Variants in PCDH7 observed in about 807,000 individuals in gnomAD.
PCDH7 encodes the protein protocadherin-7.
Under a neutral mutation model 58.9 loss-of-function variants are expected in PCDH7, and 17 were observed. That is an observed-to-expected ratio of 0.29 (90% confidence interval 0.20 to 0.43). The LOEUF (loss-of-function observed/expected upper bound fraction) is 0.43. PCDH7 is among the 20% of genes least tolerant of loss of function. PCDH7 has a pLI of 1.00. For missense variants in PCDH7, 1,274 were observed against 1,441.0 expected (o/e 0.88, Z 1.88); for synonymous variants, 664 against 616.4 (o/e 1.08, Z -1.14).
chr4:30,948,724 G>C (rs1260262855), intron 2 of PCDH7, among the ~76,000 whole-genome samples: 1 of 152,038 alleles, frequency 6.6e-6, no homozygotes, highest in Non-Finnish European at 1.5e-5. Flanking sequence ...AGAATTCTTT[G>C]ATGTTAATCT....
At chr4:30,759,254 C>T (rs948420976) in intron 1 of PCDH7, among the ~76,000 whole-genome samples, 4 of 151,908 alleles carry the variant, frequency 2.6e-5, no homozygotes, top group Non-Finnish European at 5.9e-5. Flanking sequence ...TTTGGGGAAG[C>T]TTTTTAAGTG....
chr4:31,104,104 C>T (rs2109303640), intron 3 of PCDH7, among the ~76,000 whole-genome samples: 1 of 152,204 alleles, frequency 6.6e-6, no homozygotes, highest in East Asian at 1.9e-4. Flanking sequence ...TAAACAAGGG[C>T]TCCTATAGCA....
intron 1 of PCDH7, among the ~76,000 whole-genome samples, chr4:30,915,332 T>C (rs1247475841): frequency 5.9e-5 from 9 of 152,166 alleles, no homozygotes; most frequent in Non-Finnish European, 1.3e-4. Flanking sequence ...CCTACAATTG[T>C]TCCCCAGAGT....
intron 1 of PCDH7, among the ~76,000 whole-genome samples, chr4:30,750,000 A>G (rs1278031701): frequency 6.6e-6 from 1 of 152,166 alleles, no homozygotes; most frequent in African/African-American, 2.4e-5. Context: ...AGTAATCTGC[A>G]AGTTTCTATA....
intron 1 of PCDH7, among the ~76,000 whole-genome samples, chr4:30,797,687 A>G (rs1415764576): frequency 1.3e-5 from 2 of 152,042 alleles, no homozygotes; most frequent in Admixed American, 1.3e-4. Context: ...GTTCATATTT[A>G]CCTATCCTTC....
intron 1 of PCDH7, among the ~76,000 whole-genome samples, chr4:30,774,136 C>T (rs1721767126): frequency 6.6e-6 from 1 of 152,112 alleles, no homozygotes; most frequent in South Asian, 2.1e-4. Flanking sequence ...CCTCTAGAGT[C>T]CCTTTCATTG....
At chr4:30,777,696 A>G (rs1299523753) in intron 1 of PCDH7, among the ~76,000 whole-genome samples, 1 of 152,146 alleles carries the variant, frequency 6.6e-6, no homozygotes, top group Non-Finnish European at 1.5e-5. Context: ...AAGAGTGGTT[A>G]TGTTAGTACT....
chr4:31,056,301 G>A (rs963895491), intron 3 of PCDH7, among the ~76,000 whole-genome samples: 1 of 151,420 alleles, frequency 6.6e-6, no homozygotes, highest in Non-Finnish European at 1.5e-5. Context: ...CGAGGAGGTC[G>A]AAGCTGTAGT....
chr4:30,905,054 AG>A (rs1423045526), intron 1 of PCDH7, among the ~76,000 whole-genome samples: 2 of 152,166 alleles, frequency 1.3e-5, no homozygotes, highest in African/African-American at 4.8e-5. Context: ...GAAATGTCTA[AG>A]ATAGAAAAAG....
intron 3 of PCDH7, among the ~76,000 whole-genome samples, chr4:31,113,187 C>T (rs1023333908): frequency 1.3e-5 from 2 of 152,010 alleles, no homozygotes; most frequent in Non-Finnish European, 2.9e-5. Context: ...ATGATAACTG[C>T]CTTTTATTCC....
chr4:31,077,845 CACTG>C (rs1368525426), intron 3 of PCDH7, among the ~76,000 whole-genome samples: 2 of 152,122 alleles, frequency 1.3e-5, no homozygotes, highest in Non-Finnish European at 2.9e-5. Flanking sequence ...GCACGAGGTC[CACTG>C]ACTGACTCCT....
chr4:30,968,099 A>G (rs1213238798), intron 3 of PCDH7, among the ~76,000 whole-genome samples: 2 of 151,734 alleles, frequency 1.3e-5, no homozygotes, highest in Non-Finnish European at 2.9e-5. Context: ...GGTCATAAAC[A>G]CAAGGACACT....
At chr4:30,942,869 G>T (rs1238496155) in intron 2 of PCDH7, among the ~76,000 whole-genome samples, 1 of 149,246 alleles carries the variant, frequency 6.7e-6, no homozygotes, top group Non-Finnish European at 1.5e-5. Context: ...AATGGAAGAG[G>T]TAGGTTAAAT....
chr4:30,858,016 C>T (rs1203009181), intron 1 of PCDH7, among the ~76,000 whole-genome samples: 1 of 152,132 alleles, frequency 6.6e-6, no homozygotes, highest in Non-Finnish European at 1.5e-5. Flanking sequence ...ACTATACCAA[C>T]CACTTAAACT....
chr4:31,086,892 T>C (rs927461323), intron 3 of PCDH7, among the ~76,000 whole-genome samples: 20 of 152,198 alleles, frequency 1.3e-4, no homozygotes, highest in African/African-American at 4.8e-4. Flanking sequence ...AGCACTCAGC[T>C]CTGCTCAGAG....
rs114251981 is a variant in PCDH7, at chr4:30,787,641, A to G, written c.70+63045A>G. Among the ~76,000 whole-genome samples the G allele has an allele frequency of 3.9e-3, 588 of 152,202 alleles. 6 individuals are homozygous for G. The highest frequency in any genetic ancestry group is 0.013 in the African/African-American group (524 of 41,562). On this transcript the variant is annotated intron_variant, in intron 1 of 3. Coordinates refer to the PCDH7 transcript ENST00000509759. ...GATCCTACACATTTATATATGCAGAAGAGGGCCTTTTTAAATTTATTGAGG... is the reference window on the plus strand; with the variant it reads ...GATCCTACACATTTATATATGCAGAGGAGGGCCTTTTTAAATTTATTGAGG...
At chr4:30,804,582 G>A (rs1725948318) in intron 1 of PCDH7, among the ~76,000 whole-genome samples, 1 of 151,538 alleles carries the variant, frequency 6.6e-6, no homozygotes, top group Non-Finnish European at 1.5e-5. Flanking sequence ...TTTGAAATGA[G>A]TTTAAGTTTT....
chr4:31,082,844 GTAA>G (rs1711710197), intron 3 of PCDH7, among the ~76,000 whole-genome samples: 1 of 152,196 alleles, frequency 6.6e-6, no homozygotes, highest in Non-Finnish European at 1.5e-5. Flanking sequence ...GCTCAGGCCT[GTAA>G]TCCCAGCACT....
At chr4:30,791,935 A>C (rs1350098105) in intron 1 of PCDH7, among the ~76,000 whole-genome samples, 1 of 152,244 alleles carries the variant, frequency 6.6e-6, no homozygotes, top group Non-Finnish European at 1.5e-5. Context: ...ATTATCATAA[A>C]AAGATAACAC....
Sources: gnomAD v4.1 joint callset for allele counts (sites outside exome capture counted in the v4.1 genomes callset) on GRCh38, gnomAD v4.1.1 for gene constraint, MANE v1.5 for transcripts, NCBI Gene and HGNC (gene_info 2026-07-23, HGNC 2026-07-21) for gene names.